The following RBM20 variants were observed in gnomAD, a reference collection of about 807,000 sequenced individuals.
RBM20 encodes RNA-binding protein 20.
Under a neutral mutation model 110.1 loss-of-function variants are expected in RBM20, and 51 were observed. The observed-to-expected ratio is 0.46, with a 90% confidence interval of 0.37 to 0.59. RBM20 has a LOEUF of 0.59. RBM20 is among the 20% of genes least tolerant of loss of function. The probability of loss-of-function intolerance (pLI) is 0.00; values close to 1 mark genes in which losing one functional copy is unlikely to be tolerated. For missense variants in RBM20, 1,512 were observed against 1,574.9 expected (o/e 0.96, Z 0.68); for synonymous variants, 589 against 618.2 (o/e 0.95, Z 0.70).
chr10:110,716,270 G>T (rs1863015386), intron 1 of RBM20, among the ~76,000 whole-genome samples: 1 of 152,164 alleles, frequency 6.6e-6, no homozygotes, highest in Admixed American at 6.5e-5. Context: ...TCCAGGGCAA[G>T]GCTTAGCCTC....
At chr10:110,773,497 CA>C (rs922125840) in intron 1 of RBM20, among the ~76,000 whole-genome samples, 5 of 151,094 alleles carry the variant, frequency 3.3e-5, no homozygotes, top group Admixed American at 6.6e-5. Flanking sequence ...TTAAAATTTT[CA>C]AAAAAAACCA....
In RBM20 at chr10:110,812,560, TGAGTTGGAC is replaced by T; in HGVS notation, c.2167_2175del (p.Leu723_Glu725del). 6.4e-7 allele frequency: 1 copy of T among 1,551,584 alleles called. No individual in the cohort carries two copies. Among genetic ancestry groups the T allele is most frequent in the Non-Finnish European group, 8.7e-7 (1 of 1,146,974 alleles). ...ACCACCCCCGGCAACTGGACAAGGC[TGAGTTGGAC>T]GAGCGACCAGAAGGAGGGAGGCCCC... On this transcript the variant is annotated inframe_deletion, in exon 9 of 14. Transcript: ENST00000369519.
intron 5 of RBM20, among the ~76,000 whole-genome samples, chr10:110,795,635 G>A (rs1844540313): frequency 6.6e-6 from 1 of 152,192 alleles, no homozygotes; most frequent in African/African-American, 2.4e-5. Flanking sequence ...CACATCAAAT[G>A]TAATTAGATG....
rs71492062 is a variant in RBM20 at position 110,752,945 on chromosome 10, ATTT to A, written c.192-27844_192-27842del. 3.7e-3 allele frequency among the ~76,000 whole-genome samples: 400 copies of A among 108,974 alleles called. 2 individuals carry two copies. The highest frequency in any genetic ancestry group is 0.013 in the African/African-American group (350 of 26,618). 71.5% of individuals were successfully genotyped at this position (108,974 alleles called of 152,430 possible). On this transcript the variant is annotated intron_variant, in intron 1 of 13. Transcript: ENST00000369519. The stretch of plus-strand genomic sequence containing the variant: ...CATATATATATATATATATATATAT[ATTT>A]TTTTTTTTTTTATGAAGTCTCCCTC...
At chr10:110,656,229 G>A (rs1227909345) in intron 1 of RBM20, among the ~76,000 whole-genome samples, 3 of 152,098 alleles carry the variant, frequency 2.0e-5, no homozygotes, top group Non-Finnish European at 2.9e-5. Context: ...TTGAACTCGG[G>A]AGGCAGAGGT....
Position 110,823,508 on chromosome 10 carries a change from T to G in RBM20, c.3345T>G (p.Ser1115=). The change falls in exon 12 of 14, where the codon TCT becomes TCG. Residue 1115 remains serine (S), a synonymous_variant. Transcript: ENST00000369519. The stretch of plus-strand genomic sequence containing the variant: ...ACTCCAGGTACGTGGAAATGAAATC[T>G]CTGGAGGTGAGGTCACCAGAGTACA... ...PENSRYVEMK[S]LEVRSPEYTE... 6.5e-7 allele frequency: 1 copy of G among 1,532,490 alleles called. No individual in the cohort carries two copies. The highest frequency in any genetic ancestry group is 8.8e-7 in the Non-Finnish European group (1 of 1,139,306). 94.9% of individuals were successfully genotyped at this position (1,532,490 alleles called of 1,614,324 possible). A position where few individuals can be genotyped will look rare whatever the true frequency, so the allele number is the denominator to read the frequency against.
Position 110,783,446 on chromosome 10 carries a change from G to T in RBM20, c.1337+19G>T. On this transcript the variant is annotated intron_variant, in intron 3 of 13. Transcript: ENST00000369519. ...CTGAAAAGTAAGTGCTGTTCAGGAG[G>T]ACAGGCTCATGCGTAGGCTCAACAC... The T allele has an allele frequency of 6.5e-7, 1 of 1,543,508 alleles. No homozygotes were observed. Among genetic ancestry groups the T allele is most frequent in the South Asian group, 1.2e-5 (1 of 83,816 alleles).
In RBM20 at chr10:110,831,122, G is replaced by C; in HGVS notation, c.3513G>C (p.Thr1171=). The C allele has an allele frequency of 6.4e-7, 1 of 1,551,588 alleles. No individual in the cohort carries two copies. The highest frequency in any genetic ancestry group is 1.4e-5 in the African/African-American group (1 of 73,136). The part of the protein sequence containing the change: ...FYCKLCGLFY[T]SEETAKMSHC... Reference sequence around the variant, plus strand: ...GCAAGCTGTGTGGGCTGTTCTACACGAGCGAGGAGACAGCAAAGATGAGCC... The same window carrying C: ...GCAAGCTGTGTGGGCTGTTCTACACCAGCGAGGAGACAGCAAAGATGAGCC... Residue 1171 remains threonine, a synonymous_variant, in exon 13 of 14, where the codon ACG becomes ACC. Transcript: ENST00000369519.
intron 3 of RBM20, 64 bp from the exon 4 acceptor site, chr10:110,784,277 G>C (rs1774664350): frequency 8.2e-7 from 1 of 1,225,812 alleles, no homozygotes; most frequent in Admixed American, 2.0e-5. Flanking sequence ...GGAATTTCTG[G>C]GTCACATGCT....
At chr10:110,710,495 A>C (rs1459116924) in intron 1 of RBM20, among the ~76,000 whole-genome samples, 2 of 134,838 alleles carry the variant, frequency 1.5e-5, no homozygotes, top group African/African-American at 5.2e-5. Context: ...GGGCTGCCCC[A>C]CTGGGCCTCC....
intron 7 of RBM20, among the ~76,000 whole-genome samples, chr10:110,804,660 G>C (rs1170693422): frequency 6.6e-6 from 1 of 152,192 alleles, no homozygotes; most frequent in Non-Finnish European, 1.5e-5. Flanking sequence ...ATAAGAAAGA[G>C]AAAATCTGAA....
rs1845132118 is a variant in RBM20, at chr10:110,836,487, G to A, written c.*509G>A. 6.6e-6 allele frequency: 1 copy of A among 152,250 alleles called. No individual in the cohort carries two copies. The highest frequency in any genetic ancestry group is 1.5e-5 in the Non-Finnish European group (1 of 68,086). 9.4% of individuals were successfully genotyped at this position (152,250 alleles called of 1,614,324 possible). The stretch of plus-strand genomic sequence containing the variant: ...CTGGTGTCCCATGTATCCCCTGCAT[G>A]AGGAGCTGAGTCAGGTCTGCAGTCC... On this transcript the variant is annotated 3_prime_UTR_variant, in exon 14 of 14. Transcript: ENST00000369519.
intron 1 of RBM20, among the ~76,000 whole-genome samples, chr10:110,690,472 A>G (rs1590619608): frequency 6.6e-6 from 1 of 152,288 alleles, no homozygotes; most frequent in Non-Finnish European, 1.5e-5. Context: ...AAGTTGTTTA[A>G]CCACCCACAC....
chr10:110,692,453 G>C (rs1003588067), intron 1 of RBM20, among the ~76,000 whole-genome samples: 2 of 152,082 alleles, frequency 1.3e-5, no homozygotes, highest in Admixed American at 6.5e-5. Context: ...TTTCAGTGTA[G>C]AAGCCTTTCA....
intron 1 of RBM20, among the ~76,000 whole-genome samples, chr10:110,748,679 CTCTT>C (rs1843815533): frequency 1.3e-5 from 2 of 152,168 alleles, no homozygotes; most frequent in Non-Finnish European, 2.9e-5. Flanking sequence ...CTCTCTCTCT[CTCTT>C]TCTCTCTCTC....
At chr10:110,747,306 G>T (rs1045166399) in intron 1 of RBM20, among the ~76,000 whole-genome samples, 1 of 150,384 alleles carries the variant, frequency 6.6e-6, no homozygotes, top group South Asian at 2.1e-4. Flanking sequence ...TGGGGGGGGG[G>T]GTCATTCTGG....
chr10:110,774,233 C>T (rs1844232029), intron 1 of RBM20, among the ~76,000 whole-genome samples: 1 of 152,170 alleles, frequency 6.6e-6, no homozygotes, highest in Non-Finnish European at 1.5e-5. Context: ...CTCATTAACA[C>T]ACCAACTGAA....
Position 110,821,456 on chromosome 10 carries a change from G to T in RBM20, c.2837G>T (p.Cys946Phe), listed in dbSNP as rs903139002. 6.4e-7 allele frequency: 1 copy of T among 1,551,722 alleles called. No homozygotes were observed. The highest frequency in any genetic ancestry group is 1.4e-5 in the African/African-American group (1 of 73,062). Residue 946 changes from cysteine to phenylalanine, a missense_variant, in exon 11 of 14, where the codon TGT becomes TTT. Cys to Phe is a radical substitution (Grantham distance 205). Transcript: ENST00000369519. ...AAAGACAAAATTTGCCCAGAAACAT[G>T]TCTGTGTGTGACAACCACCTTAGAC... ...DQKDKICPET[C>F]LCVTTTLDLD...
chr10:110,667,827 C>T (rs980632372), intron 1 of RBM20, among the ~76,000 whole-genome samples: 18 of 152,264 alleles, frequency 1.2e-4, no homozygotes, highest in African/African-American at 4.3e-4. Context: ...CCTTTGATTC[C>T]TGGGCCCCTG....
Sources: gnomAD v4.1 joint callset for allele counts (sites outside exome capture counted in the v4.1 genomes callset) on GRCh38, gnomAD v4.1.1 for gene constraint, MANE v1.5 for transcripts, NCBI Gene and HGNC (gene_info 2026-07-23, HGNC 2026-07-21) for gene names.